CCDC32: variants seen among roughly 807,000 people sequenced by gnomAD.
The protein encoded by CCDC32 is coiled-coil domain-containing protein 32.
Under a neutral mutation model 20.1 loss-of-function variants are expected in CCDC32, and 9 were observed. The observed-to-expected ratio is 0.45, with a 90% CI of 0.27 to 0.78. The LOEUF (loss-of-function observed/expected upper bound fraction) is 0.78. Ranked by LOEUF, CCDC32 falls within the 30% of genes least tolerant of loss-of-function variation. CCDC32 has a pLI of 0.16. For synonymous variants in CCDC32, 63 were observed against 79.0 expected, an observed-to-expected ratio of 0.80 and a Z score of 1.07; for missense variants, 204 against 215.5, an observed-to-expected ratio of 0.95 and a Z score of 0.33.
In CCDC32 at chr15:40,553,675, G is replaced by C; in HGVS notation, c.*296C>G. On this transcript the variant is annotated 3_prime_UTR_variant, in exon 4 of 4. Transcript: ENST00000416810. ...CAGACTTCTAACCTGCAGAGACAGA[G>C]CTCAGCCAAGCTGTGAGACACAGAG... 8.5e-7 allele frequency: 1 copy of C among 1,176,360 alleles called. No homozygotes were observed. The highest frequency in any genetic ancestry group is 1.0e-6 in the Non-Finnish European group (1 of 953,530). The allele number at this position is 1,176,360 out of a possible 1,614,324, so 72.9% of individuals were successfully genotyped here.
the CCDC32 span, among the ~76,000 whole-genome samples, chr15:40,522,209 A>G: frequency 7.2e-5 from 11 of 152,208 alleles, no homozygotes; most frequent in East Asian, 2.1e-3. Flanking sequence ...TTTGTTAAAA[A>G]TACTATTTTT....
chr15:40,521,009 A>G, the CCDC32 span, among the ~76,000 whole-genome samples: 3 of 152,238 alleles, frequency 2.0e-5, no homozygotes, highest in Non-Finnish European at 2.9e-5. Flanking sequence ...AGAAAAAACT[A>G]TGTTTACTAT....
At chr15:40,532,075 T>A, downstream of CCDC32, 2 of 464,298 alleles carry the variant, frequency 4.3e-6, no homozygotes, top group South Asian at 7.5e-5. Context: ...GTACTTAGCA[T>A]AAAGAACATT....
At chr15:40,543,518 G>A (rs1284703802) in intron 3 of CCDC32, among the ~76,000 whole-genome samples, 1 of 152,100 alleles carries the variant, frequency 6.6e-6, no homozygotes, top group Non-Finnish European at 1.5e-5. Flanking sequence ...GCAGTGGCAT[G>A]ATCTTGGCTC....
At chr15:40,559,345 C>T (rs1291235206) in intron 2 of CCDC32, among the ~76,000 whole-genome samples, 3 of 152,218 alleles carry the variant, frequency 2.0e-5, no homozygotes, top group Non-Finnish European at 4.4e-5. Flanking sequence ...ACATCGGCCT[C>T]TCAGAGCGCT....
At chr15:40,539,380 G>T in intron 3 of CCDC32, 1 of 1,523,486 alleles carries the variant, frequency 6.6e-7, no homozygotes, top group Non-Finnish European at 8.8e-7. Flanking sequence ...CAGACCGACA[G>T]AGACGAGGAA....
downstream of CCDC32, among the ~76,000 whole-genome samples, chr15:40,526,879 G>C (rs1439743960): frequency 6.6e-6 from 1 of 152,060 alleles, no homozygotes; most frequent in Non-Finnish European, 1.5e-5. Flanking sequence ...ACTCCAGCCT[G>C]GGTGATAAAG....
downstream of CCDC32, chr15:40,536,578 A>T (rs934145250): frequency 6.6e-6 from 1 of 152,316 alleles, no homozygotes; most frequent in South Asian, 2.1e-4. Flanking sequence ...CTGGCACTAC[A>T]GGCCCTGCAG....
rs1405481606 is a variant in CCDC32, at chr15:40,554,109, C to G, written c.420G>C (p.Lys140Asn). The part of the protein sequence containing the change: ...DSDESTLEHF[K>N]RWLQPDKVAV... ...CTACTTTATCTGGCTGGAGCCACCT[C>G]TTGAAATGTTCCAAGGTGCTATGAA... The change falls in exon 4 of 4, where the codon AAG (lysine) becomes AAC (asparagine). Residue 140 changes from lysine to asparagine, a missense_variant. Transcript: ENST00000416810. 1 of 1,613,840 alleles carries G rather than the reference C, an allele frequency of 6.2e-7. No homozygotes were observed. Among genetic ancestry groups the G allele is most frequent in the Non-Finnish European group, 8.5e-7 (1 of 1,179,896 alleles).
chr15:40,557,211 A>G lies in CCDC32; in HGVS notation c.401+5T>C, dbSNP rs758570748. On this transcript the variant is annotated splice_donor_5th_base_variant and intron_variant, in intron 3 of 3. Coordinates refer to ENST00000416810, the MANE Select transcript of CCDC32 (RefSeq NM_001080792.4). ...TCAGCTGGAACTAGACGGGGAATCG[A>G]TTACCTCTCATCAGAATCAAGTCCA... 2 of 1,607,696 alleles carry G rather than the reference A, an allele frequency of 1.2e-6. No individual in the cohort carries two copies. Among genetic ancestry groups the G allele is most frequent in the Non-Finnish European group, 1.7e-6 (2 of 1,178,018 alleles).
downstream of CCDC32, chr15:40,538,717 G>C (rs1889240991): frequency 6.6e-6 from 1 of 152,458 alleles, no homozygotes; most frequent in Admixed American, 6.5e-5. Context: ...GGGAGGATTG[G>C]AAAGCCTTTT....
At chr15:40,545,279 T>G (rs184636841) in intron 3 of CCDC32, among the ~76,000 whole-genome samples, 2 of 152,320 alleles carry the variant, frequency 1.3e-5, no homozygotes, top group Non-Finnish European at 2.9e-5. Context: ...CCTGGAAATA[T>G]CTGTTCTTTA....
At chr15:40,531,018 C>T (rs1198273183), downstream of CCDC32, among the ~76,000 whole-genome samples, 1 of 151,662 alleles carries the variant, frequency 6.6e-6, no homozygotes, top group South Asian at 2.1e-4. Context: ...CCAGATATTC[C>T]TTTAGAGCAA....
chr15:40,564,733 T>G (rs1386315280), intron 1 of CCDC32: 4 of 1,614,098 alleles, frequency 2.5e-6, no homozygotes, highest in Non-Finnish European at 2.5e-6. Flanking sequence ...CCCGAATTCG[T>G]CTAAAGCCAC....
chr15:40,535,099 C>T (rs539098994), downstream of CCDC32: 5 of 873,004 alleles, frequency 5.7e-6, no homozygotes, highest in South Asian at 5.7e-5. Flanking sequence ...ACTCCAGGCT[C>T]TGTGCAGTCA....
downstream of CCDC32, among the ~76,000 whole-genome samples, chr15:40,527,685 A>G (rs796380854): frequency 3.9e-5 from 6 of 152,136 alleles, no homozygotes; most frequent in African/African-American, 1.4e-4. Context: ...TGGTGGCTTT[A>G]TAAGAAGAGG....
chr15:40,559,435 A>C (rs1334365459), intron 2 of CCDC32, among the ~76,000 whole-genome samples: 5 of 152,094 alleles, frequency 3.3e-5, no homozygotes, highest in African/African-American at 4.8e-5. Flanking sequence ...CCAACAAGCC[A>C]AGGGATCTCG....
downstream of CCDC32, among the ~76,000 whole-genome samples, chr15:40,523,890 G>A (rs1002598989): frequency 1.3e-5 from 2 of 152,148 alleles, no homozygotes; most frequent in African/African-American, 4.8e-5. Flanking sequence ...CATATTGGCA[G>A]TTTTTAAAAA....
At chr15:40,561,522 G>T (rs1469902113) in intron 2 of CCDC32, among the ~76,000 whole-genome samples, 1 of 151,850 alleles carries the variant, frequency 6.6e-6, no homozygotes, top group Non-Finnish European at 1.5e-5. Context: ...ACACAAAGTG[G>T]TATACTGGAC....
Sources: allele counts gnomAD v4.1 joint callset (sites outside exome capture counted in the v4.1 genomes callset), GRCh38; gene constraint gnomAD v4.1.1; transcripts MANE v1.5; gene names NCBI Gene and HGNC (gene_info 2026-07-23, HGNC 2026-07-21).